GSAP: variants seen among roughly 807,000 people sequenced by gnomAD.
The protein encoded by GSAP is gamma-secretase-activating protein.
In GSAP, 118 loss-of-function variants were observed where a neutral mutation model predicts 131.7. The observed-to-expected ratio is 0.90, with a 90% CI of 0.77 to 1.04. GSAP has a LOEUF of 1.04. Among genes scored for constraint, GSAP ranks in the 50% least tolerant of loss-of-function variants. The pLI is 0.00. For synonymous variants in GSAP, 381 were observed against 363.4 expected (o/e 1.05, Z -0.55); for missense variants, 1,019 against 1,013.2 (o/e 1.01, Z -0.08).
At chr7:77,324,833 T>G (rs1788112727) in intron 23 of GSAP, among the ~76,000 whole-genome samples, 1 of 146,858 alleles carries the variant, frequency 6.8e-6, no homozygotes. Flanking sequence ...ATACTTTTTT[T>G]TTTTTTTTTT....
chr7:77,377,290 A>G lies in GSAP; in HGVS notation c.677T>C (p.Leu226Pro), dbSNP rs1245698357. The G allele has an allele frequency of 7.0e-7, 1 of 1,433,860 alleles. No individual in the cohort carries two copies. The highest frequency in any genetic ancestry group is 2.5e-5 in the East Asian group (1 of 40,628). The allele number at this position is 1,433,860 out of a possible 1,614,324, so 88.8% of individuals were successfully genotyped here. The change falls in exon 9 of 31, where the codon CTG (leucine) becomes CCG (proline). Residue 226 changes from leucine to proline, a missense_variant. By Grantham distance (98) the Leu-to-Pro change is moderately conservative (BLOSUM62 -3). Coordinates refer to ENST00000257626, the MANE Select transcript of GSAP (RefSeq NM_017439.4). ...CCCGTGAACTAGTTTTTTTACCTTCAGGTCAATGTAATATAATCTCTGTTC... is the reference window on the plus strand; with the variant it reads ...CCCGTGAACTAGTTTTTTTACCTTCGGGTCAATGTAATATAATCTCTGTTC... Reference protein sequence around the residue: ...MSEQRLYYIDLKKSRSILKCI... With the variant: ...MSEQRLYYIDPKKSRSILKCI...
Position 77,382,611 on chromosome 7 carries a change from A to G in GSAP, c.489T>C (p.Leu163=). Residue 163 remains leucine, a synonymous_variant, in exon 7 of 31, where the codon CTT becomes CTC. Coordinates refer to ENST00000257626, the MANE Select transcript of GSAP (RefSeq NM_017439.4). ...AAATCAGTAACAGATGGTTCTCTGG[A>G]AGAGGATGACTTTCAATATGTGGGT... ...FLYPHIESHP[L]PENHLLLISE... is the part of the protein sequence containing the mutation. 1 of 1,572,344 alleles carries G rather than the reference A, an allele frequency of 6.4e-7. No individual in the cohort carries two copies. The highest frequency in any genetic ancestry group is 8.8e-7 in the Non-Finnish European group (1 of 1,142,128).
At chr7:77,364,482 T>C (rs1380908688) in intron 12 of GSAP, among the ~76,000 whole-genome samples, 18 of 124,662 alleles carry the variant, frequency 1.4e-4, no homozygotes, top group Non-Finnish European at 2.5e-4. Flanking sequence ...TGAGAACACA[T>C]GGACACAGGA....
chr7:77,375,898 T>C (rs938863417), intron 10 of GSAP, among the ~76,000 whole-genome samples: 2 of 151,652 alleles, frequency 1.3e-5, no homozygotes, highest in African/African-American at 2.4e-5. Flanking sequence ...ATCACAAAGA[T>C]ATTAAGAACA....
At chr7:77,387,650 C>T (rs112455186) in intron 5 of GSAP, among the ~76,000 whole-genome samples, 61 of 152,230 alleles carry the variant, frequency 4.0e-4, no homozygotes, top group African/African-American at 1.3e-3. Flanking sequence ...GGATGTGTAG[C>T]GGCTCCAGGA....
intron 3 of GSAP, among the ~76,000 whole-genome samples, chr7:77,402,157 T>A (rs1426333846): frequency 6.6e-6 from 1 of 151,984 alleles, no homozygotes; most frequent in African/African-American, 2.4e-5. Flanking sequence ...TGTTATCCCA[T>A]CCTGAAGCTC....
At position 77,360,731 on chromosome 7, in the gene GSAP, A is replaced by G. The variant is rs1258250075; in HGVS notation, c.1027+93T>C. ...TGTCATCACAATCCGAGTCTCAAAG[A>G]GGCATGAGAAATGGGATAGTATAGA... On this transcript the variant is annotated intron_variant, in intron 14 of 30. Coordinates refer to ENST00000257626, the MANE Select transcript of GSAP (RefSeq NM_017439.4). 5 of 684,840 alleles carry G rather than the reference A, an allele frequency of 7.3e-6. No homozygotes were observed. In the African/African-American group the frequency reaches 7.3e-5, roughly 10 times the overall value. 42.4% of individuals were successfully genotyped at this position (684,840 alleles called of 1,614,324 possible).
chr7:77,352,372 G>C (rs1793013277), intron 18 of GSAP, among the ~76,000 whole-genome samples: 1 of 152,220 alleles, frequency 6.6e-6, no homozygotes, highest in South Asian at 2.1e-4. Context: ...GCAAAGCTCT[G>C]TCTACTGTAC....
At chr7:77,338,692 C>A (rs552358935) in intron 19 of GSAP, among the ~76,000 whole-genome samples, 5 of 152,174 alleles carry the variant, frequency 3.3e-5, no homozygotes, top group African/African-American at 1.2e-4. Context: ...TAATTGCAAT[C>A]ACCAGGGCTC....
intron 2 of GSAP, among the ~76,000 whole-genome samples, 182 bp downstream of exon 2, chr7:77,405,847 C>G (rs544810028): frequency 2.0e-5 from 3 of 152,252 alleles, no homozygotes; most frequent in African/African-American, 7.2e-5. Context: ...CCTAATACTA[C>G]TAAATTTCAA....
At chr7:77,319,551 T>G (rs1054208979) in intron 26 of GSAP, among the ~76,000 whole-genome samples, 4 of 152,208 alleles carry the variant, frequency 2.6e-5, no homozygotes, top group African/African-American at 7.2e-5. Flanking sequence ...TCTGGATAAA[T>G]ATCTGTAAGA....
At chr7:77,329,448 C>A in intron 20 of GSAP, 57 bp from the exon 21 acceptor site, 2 of 928,098 alleles carry the variant, frequency 2.2e-6, no homozygotes, top group South Asian at 1.7e-5. Flanking sequence ...GGTGACTTTT[C>A]ACGTCAAGGA....
At chr7:77,392,851 G>A (rs2151105969) in intron 5 of GSAP, among the ~76,000 whole-genome samples, 1 of 152,214 alleles carries the variant, frequency 6.6e-6, no homozygotes, top group African/African-American at 2.4e-5. Flanking sequence ...ATGGTGAGAG[G>A]GAGTTCTGGA....
At chr7:77,344,947 A>G (rs1342281306) in intron 19 of GSAP, among the ~76,000 whole-genome samples, 1 of 152,156 alleles carries the variant, frequency 6.6e-6, no homozygotes, top group African/African-American at 2.4e-5. Context: ...CAACAACAAA[A>G]AAAGAAAGGA....
chr7:77,414,230 G>A (rs1470856383), intron 1 of GSAP, among the ~76,000 whole-genome samples: 2 of 152,196 alleles, frequency 1.3e-5, no homozygotes, highest in African/African-American at 4.8e-5. Context: ...GCATTACAAT[G>A]GTATAGTAAT....
chr7:77,344,067 A>G (rs1177187117), intron 19 of GSAP, among the ~76,000 whole-genome samples: 7 of 152,136 alleles, frequency 4.6e-5, no homozygotes, highest in Non-Finnish European at 2.9e-5. Context: ...GTCTGGGTAG[A>G]CACTTTCACT....
intron 18 of GSAP, among the ~76,000 whole-genome samples, chr7:77,350,890 C>T (rs1239195195): frequency 6.6e-6 from 1 of 151,984 alleles, no homozygotes; most frequent in Non-Finnish European, 1.5e-5. Flanking sequence ...TTCAAGATTG[C>T]CTTTTATTCA....
intron 18 of GSAP, among the ~76,000 whole-genome samples, chr7:77,350,808 T>C (rs1792750949): frequency 6.6e-6 from 1 of 152,202 alleles, no homozygotes; most frequent in Non-Finnish European, 1.5e-5. Flanking sequence ...ACAATTCATT[T>C]CAAGAAGGGC....
rs143809063 is a variant in GSAP, at chr7:77,403,547, C to T, written c.243+1012G>A. Among the ~76,000 whole-genome samples, 486 of 151,680 alleles carry T rather than the reference C, an allele frequency of 3.2e-3. 1 individual carries two copies. Among genetic ancestry groups the T allele is most frequent in the African/African-American group, 0.011 (438 of 41,228 alleles). On this transcript the variant is annotated intron_variant, in intron 3 of 30. Transcript: ENST00000257626. ...AGACAAAGCCTGTCACATCAACCAACGCCTTATGTGAGTAATTTGGGGAAA... is the reference window on the plus strand; with the variant it reads ...AGACAAAGCCTGTCACATCAACCAATGCCTTATGTGAGTAATTTGGGGAAA...
Sources: gnomAD v4.1 joint callset for allele counts (sites outside exome capture counted in the v4.1 genomes callset) on GRCh38, gnomAD v4.1.1 for gene constraint, MANE v1.5 for transcripts, NCBI Gene and HGNC (gene_info 2026-07-23, HGNC 2026-07-21) for gene names.